CNOT6: variants seen among roughly 807,000 people sequenced by gnomAD.
CNOT6 encodes the protein carbon catabolite repression 4 protein.
A neutral mutation model predicts 61.2 loss-of-function variants in CNOT6; 12 were observed. The observed-to-expected ratio is 0.20, with a 90% CI of 0.13 to 0.32. CNOT6 has a LOEUF of 0.32. CNOT6 is among the 10% of genes least tolerant of loss of function. CNOT6 has a pLI of 1.00. For synonymous variants in CNOT6, 225 were observed against 240.6 expected (o/e 0.94, Z 0.60); for missense variants, 405 against 663.9 (o/e 0.61, Z 4.28).
Position 180,571,403 on chromosome 5 carries a change from C to G in CNOT6, c.1432C>G (p.Pro478Ala). 6.2e-7 allele frequency: 1 copy of G among 1,613,940 alleles called. No individual in the cohort carries two copies. Among genetic ancestry groups the G allele is most frequent in the Non-Finnish European group, 8.5e-7 (1 of 1,179,842 alleles). Reference sequence around the variant, plus strand: ...GAGTGCCTATGAGAGTGGCCTGATGCCTTACACGAATTACACATTTGATTT... The same window carrying G: ...GAGTGCCTATGAGAGTGGCCTGATGGCTTACACGAATTACACATTTGATTT... ...LQSAYESGLM[P>A]YTNYTFDFKG... Residue 478 changes from proline (P) to alanine (A), a missense_variant, in exon 11 of 12, where the codon CCT (proline) becomes GCT (alanine). This residue lies in a region of CNOT6 where 116 missense variants were observed against 184.6 expected (regional missense o/e 0.63). Coordinates refer to ENST00000261951, the MANE Select transcript of CNOT6 (RefSeq NM_001370472.1).
chr5:180,510,006 A>T (rs967441001), intron 1 of CNOT6, among the ~76,000 whole-genome samples: 90 of 151,820 alleles, frequency 5.9e-4, no homozygotes, highest in African/African-American at 2.2e-3. Flanking sequence ...CCTGTTAGTC[A>T]AGAGTAGTTA....
rs558422891 is a variant in CNOT6 at position 180,533,114 on chromosome 5, C to T, written c.112+3726C>T. 2.0e-5 allele frequency among the ~76,000 whole-genome samples: 3 copies of T among 152,186 alleles called. No individual in the cohort carries two copies. In the South Asian group the frequency reaches 6.2e-4, roughly 32 times the overall value. ...CTCAGACTTTTCTTGGGCTGTGTAG[C>T]ATTCCTTCTTCTAAGGTATGGGGCA... On this transcript the variant is annotated intron_variant, in intron 2 of 11. Transcript: ENST00000261951.
rs1278406944 is a variant in CNOT6 at position 180,533,333 on chromosome 5, TATATA to T, written c.112+3946_112+3950del. ...AAACCTATATATATATATATATATA[TATATA>T]TATATCACCGTAATACAACATAGGA... On this transcript the variant is annotated intron_variant, in intron 2 of 11. Transcript: ENST00000261951. 2.2e-3 allele frequency among the ~76,000 whole-genome samples: 222 copies of T among 100,254 alleles called. 3 individuals are homozygous for T. Among genetic ancestry groups the T allele is most frequent in the African/African-American group, 4.4e-3 (129 of 29,366 alleles). The allele number at this position is 100,254 out of a possible 152,430, so 65.8% of individuals were successfully genotyped here. A position where few individuals can be genotyped will look rare whatever the true frequency, so the allele number is the denominator to read the frequency against.
chr5:180,503,880 C>G (rs1303443550), intron 1 of CNOT6, among the ~76,000 whole-genome samples: 2 of 152,004 alleles, frequency 1.3e-5, no homozygotes, highest in Non-Finnish European at 2.9e-5. Context: ...GCTGGGATTA[C>G]AGGCGTGAGC....
At chr5:180,546,993 G>A (rs1005583345) in intron 2 of CNOT6, among the ~76,000 whole-genome samples, 1 of 152,146 alleles carries the variant, frequency 6.6e-6, no homozygotes. Flanking sequence ...ATAGCCTGAA[G>A]GTAACTTTAT....
At position 180,561,441 on chromosome 5, in the gene CNOT6, C is replaced by A. The variant is rs1475177465; in HGVS notation, c.386-3048C>A. 2.8e-5 allele frequency among the ~76,000 whole-genome samples: 4 copies of A among 144,828 alleles called. No individual in the cohort carries two copies. The Admixed American group carries it at 2.8e-4, about 10-fold the overall frequency. On this transcript the variant is annotated intron_variant, in intron 4 of 11. Coordinates refer to ENST00000261951, the MANE Select transcript of CNOT6 (RefSeq NM_001370472.1). ...TCATTGAAGCATTTTTGTCATGATTCCTTTGTCTTGGTTGGGTAATTCTGT... is the reference window on the plus strand; with the variant it reads ...TCATTGAAGCATTTTTGTCATGATTACTTTGTCTTGGTTGGGTAATTCTGT...
At chr5:180,500,562 G>A (rs1382602748) in intron 1 of CNOT6, among the ~76,000 whole-genome samples, 1 of 151,916 alleles carries the variant, frequency 6.6e-6, no homozygotes, top group Non-Finnish European at 1.5e-5. Flanking sequence ...AGCCTCCTGA[G>A]TAGCTGGGAC....
At chr5:180,504,927 A>G (rs1013161422) in intron 1 of CNOT6, among the ~76,000 whole-genome samples, 1 of 151,034 alleles carries the variant, frequency 6.6e-6, no homozygotes, top group Non-Finnish European at 1.5e-5. Flanking sequence ...TATAACCCAC[A>G]TCAATGAAAG....
rs182569796 is a variant in CNOT6, at chr5:180,544,664, A to G, written c.113-5267A>G. On this transcript the variant is annotated intron_variant, in intron 2 of 11. Coordinates refer to ENST00000261951, the MANE Select transcript of CNOT6 (RefSeq NM_001370472.1). ...TATGATCACCCTGTATGGGAAAAGG[A>G]GCTATACAAATTGGCAGGCTTTGAA... Among the ~76,000 whole-genome samples the G allele has an allele frequency of 5.5e-4, 84 of 152,290 alleles. 1 individual carries two copies. The highest frequency in any genetic ancestry group is 6.8e-3 in the Middle Eastern group (2 of 294).
At chr5:180,529,518 G>A (rs1323523147) in intron 2 of CNOT6, 130 bp downstream of exon 2, 1 of 648,856 alleles carries the variant, frequency 1.5e-6, no homozygotes, top group Non-Finnish European at 2.7e-6. Context: ...ATAAATGATT[G>A]TATTTTAGTA....
In CNOT6 at chr5:180,499,911, G is replaced by A. The variant is rs1756788436; in HGVS notation, c.-3+5148G>A. On this transcript the variant is annotated intron_variant, in intron 1 of 11. Coordinates refer to ENST00000261951, the MANE Select transcript of CNOT6 (RefSeq NM_001370472.1). The stretch of plus-strand genomic sequence containing the variant: ...TAACCCATAATAAACTGACTTAGCT[G>A]GTGGGTGTTTGAAGTGTGTTTCATG... Among the ~76,000 whole-genome samples the A allele has an allele frequency of 2.0e-5, 3 of 152,114 alleles. No homozygotes were observed. The South Asian group carries it at 6.2e-4, about 31-fold the overall frequency.
intron 2 of CNOT6, among the ~76,000 whole-genome samples, chr5:180,539,854 G>C (rs1347881251): frequency 1.3e-5 from 2 of 152,000 alleles, no homozygotes; most frequent in Admixed American, 1.3e-4. Flanking sequence ...CTCCCAAAGT[G>C]CTGGGATTAC....
intron 1 of CNOT6, among the ~76,000 whole-genome samples, chr5:180,497,517 G>A (rs1242454417): frequency 1.3e-5 from 2 of 152,108 alleles, no homozygotes; most frequent in African/African-American, 4.8e-5. Flanking sequence ...AGGGGTGAGG[G>A]ATCAGTATGT....
At chr5:180,550,514 T>G (rs935197065) in intron 3 of CNOT6, among the ~76,000 whole-genome samples, 3 of 152,160 alleles carry the variant, frequency 2.0e-5, no homozygotes, top group African/African-American at 7.2e-5. Flanking sequence ...TTAATGGTAT[T>G]TGAATAAAAG....
At chr5:180,537,923 A>AAAT (rs1390731704) in intron 2 of CNOT6, among the ~76,000 whole-genome samples, 1 of 151,520 alleles carries the variant, frequency 6.6e-6, no homozygotes, top group Non-Finnish European at 1.5e-5. Context: ...TTTGTGATTT[A>AAAT]AATAAGTTTT....
At chr5:180,539,291 C>T (rs1336135177) in intron 2 of CNOT6, among the ~76,000 whole-genome samples, 1 of 115,462 alleles carries the variant, frequency 8.7e-6, no homozygotes, top group Non-Finnish European at 2.1e-5. Flanking sequence ...TAAAAACAAA[C>T]AAACAAAAAA....
intron 6 of CNOT6, among the ~76,000 whole-genome samples, chr5:180,565,072 A>G (rs2127761497): frequency 6.6e-6 from 1 of 152,384 alleles, no homozygotes; most frequent in East Asian, 1.9e-4. Context: ...GTTGCTGCTC[A>G]GCATTCTATA....
chr5:180,564,738 C>G lies in CNOT6; in HGVS notation c.554C>G (p.Pro185Arg). 1 of 1,611,832 alleles carries G rather than the reference C, an allele frequency of 6.2e-7. No individual in the cohort carries two copies. Among genetic ancestry groups the G allele is most frequent in the Non-Finnish European group, 8.5e-7 (1 of 1,178,032 alleles). ...IMLQEPDRTRPTALFSVMCYN... is the reference protein window; with the variant it reads ...IMLQEPDRTRRTALFSVMCYN... ...TTACAAGAACCAGATAGGACAAGGC[C>G]AACTGGTTGGTAGTCTTTTATTTTT... Residue 185 changes from proline to arginine, a missense_variant, in exon 6 of 12, where the codon CCA (proline) becomes CGA (arginine). By Grantham distance (103) the Pro-to-Arg change is moderately radical (BLOSUM62 -2). Around this residue, in one of 5 missense-constraint regions of CNOT6, gnomAD observed 212 missense variants for 307.1 expected, o/e 0.69. Transcript: ENST00000261951.
At chr5:180,521,098 C>A (rs962301042) in intron 1 of CNOT6, among the ~76,000 whole-genome samples, 1 of 152,072 alleles carries the variant, frequency 6.6e-6, no homozygotes, top group South Asian at 2.1e-4. Context: ...CTTGGCCTCC[C>A]GAAGTGCTAG....
Sources: gnomAD v4.1 joint callset for allele counts (sites outside exome capture counted in the v4.1 genomes callset) on GRCh38, gnomAD v4.1.1 for gene constraint, gnomAD v4.1.1 regional missense constraint, MANE v1.5 for transcripts, NCBI Gene and HGNC (gene_info 2026-07-23, HGNC 2026-07-21) for gene names.